RTL4: variants seen among roughly 807,000 people sequenced by gnomAD.
RTL4 encodes the protein retrotransposon Gag like 4.
Under a neutral mutation model 5.3 loss-of-function variants are expected in RTL4, and 4 were observed. The ratio of observed to expected loss-of-function variants is 0.75; its 90% CI spans 0.37 to 1.72. The LOEUF (loss-of-function observed/expected upper bound fraction) is 1.72, where lower values mean the gene tolerates loss of function less well. Among genes scored for constraint, RTL4 ranks in the 40% most tolerant of loss-of-function variants. RTL4 has a pLI of 0.04. For missense variants in RTL4, 260 were observed against 227.1 expected (o/e 1.14, Z -0.93); for synonymous variants, 98 against 87.3 (o/e 1.12, Z -0.68).
chrX:112,379,645 CAT>C, the RTL4 span, among the ~76,000 whole-genome samples: 4 of 111,770 alleles, frequency 3.6e-5, no homozygotes, highest in Non-Finnish European at 5.6e-5. Flanking sequence ...GTCTGCTGCA[CAT>C]GTTTTAAATG....
the RTL4 span, among the ~76,000 whole-genome samples, chrX:112,398,216 C>A: frequency 1.3e-3 from 139 of 110,367 alleles, no homozygotes; most frequent in African/African-American, 4.1e-3. Context: ...TTGTCAAATT[C>A]TTCTTCTGTA....
chrX:112,227,188 C>G, the RTL4 span, among the ~76,000 whole-genome samples: 2 of 110,718 alleles, frequency 1.8e-5, no homozygotes, highest in East Asian at 5.7e-4. Flanking sequence ...AACTACACCT[C>G]ACTAAGCTGC....
At chrX:112,091,273 T>A in the RTL4 span, among the ~76,000 whole-genome samples, 1 of 111,791 alleles carries the variant, frequency 8.9e-6, no homozygotes, top group Non-Finnish European at 1.9e-5. Context: ...TAATTACTAC[T>A]TTCTACCTAC....
chrX:112,420,367 G>A, the RTL4 span, among the ~76,000 whole-genome samples: 1 of 111,276 alleles, frequency 9.0e-6, no homozygotes, highest in Non-Finnish European at 1.9e-5. Flanking sequence ...ATTTTGTTGT[G>A]TCAAGAGATG....
At chrX:112,383,442 G>T in the RTL4 span, among the ~76,000 whole-genome samples, 11 of 112,026 alleles carry the variant, frequency 9.8e-5, no homozygotes, top group Non-Finnish European at 2.1e-4. Context: ...CTGAAAATTG[G>T]ATTTAAAAAG....
chrX:112,418,462 T>C, the RTL4 span, among the ~76,000 whole-genome samples: 4 of 111,845 alleles, frequency 3.6e-5, no homozygotes, highest in African/African-American at 9.8e-5. Flanking sequence ...ATCTACTCCA[T>C]AGGGTTGTTA....
At chrX:112,210,917 T>A in the RTL4 span, among the ~76,000 whole-genome samples, 4 of 112,474 alleles carry the variant, frequency 3.6e-5, no homozygotes, top group Non-Finnish European at 7.5e-5. Flanking sequence ...ACATAAGATA[T>A]GTGTTTATTC....
At chrX:112,205,396 A>G in the RTL4 span, among the ~76,000 whole-genome samples, 2 of 111,585 alleles carry the variant, frequency 1.8e-5, no homozygotes, top group Non-Finnish European at 1.9e-5. Flanking sequence ...CTAAGAAAAA[A>G]TGTTGAAGCT....
the RTL4 span, among the ~76,000 whole-genome samples, chrX:112,219,104 G>A: frequency 2.7e-5 from 3 of 111,389 alleles, no homozygotes; most frequent in Non-Finnish European, 5.7e-5. Context: ...TGCTGAGGAA[G>A]GTTCTAGAGC....
At chrX:112,427,215 A>T in the RTL4 span, among the ~76,000 whole-genome samples, 32 of 111,293 alleles carry the variant, frequency 2.9e-4, no homozygotes, top group African/African-American at 1.0e-3. Context: ...ACAAAATCCA[A>T]CAATGTATAA....
the RTL4 span, among the ~76,000 whole-genome samples, chrX:112,107,983 T>C: frequency 2.7e-5 from 3 of 111,595 alleles, no homozygotes; most frequent in African/African-American, 9.8e-5. Flanking sequence ...CTTATAAGCT[T>C]TCTTCCTTCC....
the RTL4 span, among the ~76,000 whole-genome samples, chrX:112,377,793 G>A: frequency 8.9e-6 from 1 of 111,949 alleles, no homozygotes; most frequent in African/African-American, 3.2e-5. Context: ...CCAGAGATGG[G>A]AAAAGATGCC....
the RTL4 span, among the ~76,000 whole-genome samples, chrX:112,367,706 T>C: frequency 9.0e-6 from 1 of 111,681 alleles, no homozygotes; most frequent in African/African-American, 3.2e-5. Context: ...GTCCCTGTCA[T>C]GGTGGAGATC....
the RTL4 span, among the ~76,000 whole-genome samples, chrX:112,421,703 C>T: frequency 5.3e-3 from 590 of 112,176 alleles, 1 homozygote; most frequent in Middle Eastern, 9.2e-3. Context: ...CTTGAGCACA[C>T]ACCATCATTC....
the RTL4 span, among the ~76,000 whole-genome samples, chrX:112,259,226 T>C: frequency 8.9e-6 from 1 of 111,761 alleles, no homozygotes. Context: ...TCTTAAAATA[T>C]TGAATTCACA....
the RTL4 span, among the ~76,000 whole-genome samples, chrX:112,324,149 A>G: frequency 8.9e-6 from 1 of 112,249 alleles, no homozygotes; most frequent in Non-Finnish European, 1.9e-5. Context: ...GGATTTGGCT[A>G]TTCTGGACAT....
chrX:112,231,214 C>A, the RTL4 span, among the ~76,000 whole-genome samples: 1 of 111,012 alleles, frequency 9.0e-6, no homozygotes, highest in Non-Finnish European at 1.9e-5. Flanking sequence ...CCCAGCCATC[C>A]CATTACTGGG....
At chrX:112,424,820 G>C in the RTL4 span, among the ~76,000 whole-genome samples, 1 of 110,398 alleles carries the variant, frequency 9.1e-6, no homozygotes, top group Admixed American at 9.7e-5. Context: ...AGAAAGTACA[G>C]AGAGTTCTCA....
chrX:112,175,445 G>T, the RTL4 span, among the ~76,000 whole-genome samples: 2 of 110,256 alleles, frequency 1.8e-5, no homozygotes, highest in African/African-American at 6.6e-5. Flanking sequence ...CTATATCTCT[G>T]TGTTTGTACC....
Sources: allele counts gnomAD v4.1 joint callset (sites outside exome capture counted in the v4.1 genomes callset), GRCh38; gene constraint gnomAD v4.1.1; transcripts MANE v1.5; gene names NCBI Gene and HGNC (gene_info 2026-07-23, HGNC 2026-07-21).